Variants in ANOS1 observed in about 807,000 individuals in gnomAD.
ANOS1 encodes the protein anosmin-1.
ANOS1 carries 6 observed loss-of-function variants against 59.0 expected under a neutral mutation model. The ratio of observed to expected loss-of-function variants is 0.10; its 90% CI spans 0.06 to 0.20. The LOEUF (loss-of-function observed/expected upper bound fraction) is 0.20. ANOS1 is among the 10% of genes least tolerant of loss of function. ANOS1 has a pLI of 1.00. For missense variants in ANOS1, 433 were observed against 542.3 expected (o/e 0.80, Z 2.00); for synonymous variants, 217 against 223.4 (o/e 0.97, Z 0.25).
chrX:8,662,571 C>T (rs1338067327), intron 2 of ANOS1, among the ~76,000 whole-genome samples: 2 of 112,211 alleles, frequency 1.8e-5, no homozygotes, highest in Middle Eastern at 4.6e-3. Flanking sequence ...ATATGTTGGG[C>T]CCCCAGTACC....
intron 1 of ANOS1, among the ~76,000 whole-genome samples, chrX:8,701,007 C>T (rs1276844673): frequency 9.0e-6 from 1 of 111,457 alleles, no homozygotes; most frequent in Non-Finnish European, 1.9e-5. Context: ...AAAACTCCAT[C>T]TCAAAAAAAT....
At chrX:8,641,014 C>A (rs1029325859) in intron 2 of ANOS1, among the ~76,000 whole-genome samples, 3 of 111,821 alleles carry the variant, frequency 2.7e-5, no homozygotes, top group Non-Finnish European at 5.6e-5. Flanking sequence ...AGAATAGATA[C>A]TTACTTCCTC....
intron 2 of ANOS1, among the ~76,000 whole-genome samples, chrX:8,661,851 T>C (rs1355720479): frequency 6.3e-5 from 7 of 110,934 alleles, no homozygotes; most frequent in African/African-American, 2.3e-4. Context: ...CCAGAGTGCA[T>C]GTGCTACAAT....
chrX:8,573,868 C>G lies in ANOS1; in HGVS notation c.857-3164G>C, dbSNP rs1041101912. On this transcript the variant is annotated intron_variant, in intron 6 of 13. Coordinates refer to ENST00000262648, the MANE Select transcript of ANOS1 (RefSeq NM_000216.4). Reference sequence around the variant, plus strand: ...ATATCTCTTGAGCAAATTGTGTTAGCACTACCTTCAAAGTGTAACAGGAAT... The same window carrying G: ...ATATCTCTTGAGCAAATTGTGTTAGGACTACCTTCAAAGTGTAACAGGAAT... 9.8e-5 allele frequency among the ~76,000 whole-genome samples: 11 copies of G among 111,805 alleles called. No individual in the cohort carries two copies. The East Asian group carries it at 3.1e-3, about 32-fold the overall frequency.
At chrX:8,586,948 T>C (rs1930523045) in intron 5 of ANOS1, among the ~76,000 whole-genome samples, 1 of 100,760 alleles carries the variant, frequency 9.9e-6, no homozygotes, top group South Asian at 4.5e-4. Context: ...TTATTTTACA[T>C]TTACTGAAAA....
intron 2 of ANOS1, among the ~76,000 whole-genome samples, chrX:8,668,409 A>ATATATATT: frequency 1.5e-5 from 1 of 68,566 alleles, no homozygotes; most frequent in East Asian, 4.4e-4. Context: ...ATATATATAT[A>ATATATATT]TATATATATA....
chrX:8,599,864 C>T (rs1322229729), intron 3 of ANOS1, among the ~76,000 whole-genome samples: 1 of 111,719 alleles, frequency 9.0e-6, no homozygotes, highest in Non-Finnish European at 1.9e-5. Context: ...AACAAACAAA[C>T]AAACAAACAA....
At chrX:8,657,200 C>T (rs768807102) in intron 2 of ANOS1, among the ~76,000 whole-genome samples, 54 of 112,522 alleles carry the variant, frequency 4.8e-4, no homozygotes, top group Non-Finnish European at 7.5e-4. Context: ...TTTCGTGCAT[C>T]CTACCATGTG....
chrX:8,654,551 C>T lies in ANOS1; in HGVS notation c.256-30881G>A, dbSNP rs73465353. ...TTGCTTTCATCTCCGTTTTATTCAC[C>T]AAGTGTAGAAGCAGTACACTTTCTA... is the stretch of plus-strand genomic sequence containing the variant. On this transcript the variant is annotated intron_variant, in intron 2 of 13. Transcript: ENST00000262648. Among the ~76,000 whole-genome samples, 642 of 112,287 alleles carry T rather than the reference C, an allele frequency of 5.7e-3. 6 individuals are homozygous for T. Among genetic ancestry groups the T allele is most frequent in the African/African-American group, 0.02 (621 of 30,933 alleles).
Position 8,668,422 on chromosome X carries a change from T to C in ANOS1, c.255+31276A>G, listed in dbSNP as rs867270682. On this transcript the variant is annotated intron_variant, in intron 2 of 13. Transcript: ENST00000262648. ...ATATATATATATATATATATATATA[T>C]ATATATATACACACACATACATATA... Among the ~76,000 whole-genome samples, 273 of 74,340 alleles carry C rather than the reference T, an allele frequency of 3.7e-3. 1 individual carries two copies. The highest frequency in any genetic ancestry group is 0.022 in the East Asian group (51 of 2,301). The allele number at this position is 74,340 out of a possible 115,157, so 64.6% of individuals were successfully genotyped here. A position where few individuals can be genotyped will look rare whatever the true frequency, so the allele number is the denominator to read the frequency against.
At chrX:8,553,857 T>C in intron 9 of ANOS1, 95 bp downstream of exon 9, 1 of 842,969 alleles carries the variant, frequency 1.2e-6, no homozygotes, top group Admixed American at 2.3e-5. Context: ...GCCTTAGTAT[T>C]GATACTGTGG....
intron 4 of ANOS1, among the ~76,000 whole-genome samples, chrX:8,596,226 T>C (rs1167468073): frequency 9.0e-6 from 1 of 111,242 alleles, no homozygotes; most frequent in Non-Finnish European, 1.9e-5. Flanking sequence ...TCCCCCAACA[T>C]GGAAAAATTA....
At chrX:8,562,035 G>T (rs1040858796) in intron 8 of ANOS1, among the ~76,000 whole-genome samples, 9 of 110,146 alleles carry the variant, frequency 8.2e-5, no homozygotes, top group Non-Finnish European at 1.7e-4. Context: ...CCGCCTCCCG[G>T]GTTCAAGCCA....
chrX:8,690,881 T>A (rs1396730942), intron 2 of ANOS1, among the ~76,000 whole-genome samples: 1 of 110,407 alleles, frequency 9.1e-6, no homozygotes, highest in Non-Finnish European at 1.9e-5. Context: ...GGGCCCTAAA[T>A]TACCACTTTT....
chrX:8,661,126 G>C (rs1932030165), intron 2 of ANOS1, among the ~76,000 whole-genome samples: 1 of 111,759 alleles, frequency 8.9e-6, no homozygotes. Flanking sequence ...TGTAGATGCT[G>C]TCTTCTCCCT....
chrX:8,599,089 G>A (rs1943307259), intron 3 of ANOS1, among the ~76,000 whole-genome samples: 1 of 111,663 alleles, frequency 9.0e-6, no homozygotes, highest in African/African-American at 3.3e-5. Flanking sequence ...GCACCCTGCC[G>A]GGAACAGCTG....
chrX:8,637,224 T>G (rs1490844325), intron 2 of ANOS1, among the ~76,000 whole-genome samples: 4 of 112,079 alleles, frequency 3.6e-5, no homozygotes, highest in African/African-American at 1.3e-4. Flanking sequence ...TGCACAGGGT[T>G]TAGAAGAGCC....
At chrX:8,621,969 G>C (rs983763617) in intron 3 of ANOS1, among the ~76,000 whole-genome samples, 3 of 111,970 alleles carry the variant, frequency 2.7e-5, no homozygotes, top group Non-Finnish European at 5.6e-5. Flanking sequence ...CACAGAAAAG[G>C]TAAAAGCAGA....
chrX:8,543,334 C>G (rs1248893514), intron 9 of ANOS1, among the ~76,000 whole-genome samples: 1 of 108,068 alleles, frequency 9.3e-6, no homozygotes, highest in African/African-American at 3.4e-5. Flanking sequence ...TAAAAATGCC[C>G]TGAAAGTATT....
Sources: allele counts gnomAD v4.1 joint callset (sites outside exome capture counted in the v4.1 genomes callset), GRCh38; gene constraint gnomAD v4.1.1; transcripts MANE v1.5; gene names NCBI Gene and HGNC (gene_info 2026-07-23, HGNC 2026-07-21).